Variants in PDE4DIP observed in about 807,000 individuals in gnomAD.
PDE4DIP encodes phosphodiesterase 4D interacting protein, also known as myomegalin.
Under a neutral mutation model 221.4 loss-of-function variants are expected in PDE4DIP, and 59 were observed. That is an observed-to-expected ratio of 0.27 (90% CI 0.22 to 0.33). PDE4DIP has a LOEUF of 0.33. PDE4DIP is among the 10% of genes least tolerant of loss of function. The pLI is 1.00. For synonymous variants in PDE4DIP, 404 were observed against 815.9 expected, an observed-to-expected ratio of 0.50 and a Z score of 8.60; for missense variants, 1,036 against 2,154.2, an observed-to-expected ratio of 0.48 and a Z score of 10.28.
At chr1:148,994,968 C>G (rs1432048634) in intron 22 of PDE4DIP, among the ~76,000 whole-genome samples, 2 of 152,110 alleles carry the variant, frequency 1.3e-5, no homozygotes, top group East Asian at 3.9e-4. Context: ...ATGACAGGAG[C>G]TCTCCCCCAA....
rs1382984463 is a variant in PDE4DIP at position 148,946,371 on chromosome 1, T to A, written c.636+8507T>A. Reference sequence around the variant, plus strand: ...GAAACCTCATCTCTATTGAAAAAAATAAATAAATAAATAACAAAATTAGCT... The same window carrying A: ...GAAACCTCATCTCTATTGAAAAAAAAAAATAAATAAATAACAAAATTAGCT... On this transcript the variant is annotated intron_variant, in intron 5 of 43. Transcript: ENST00000369354. 4.4e-4 allele frequency among the ~76,000 whole-genome samples: 58 copies of A among 131,430 alleles called. No homozygotes were observed. In the East Asian group the frequency reaches 6.5e-3, roughly 15 times the overall value. The allele number at this position is 131,430 out of a possible 152,430, so 86.2% of individuals were successfully genotyped here.
intron 17 of PDE4DIP, among the ~76,000 whole-genome samples, chr1:148,976,372 C>T (rs2060174956): frequency 6.6e-6 from 1 of 152,244 alleles, no homozygotes; most frequent in Admixed American, 6.5e-5. Flanking sequence ...GGATTTACCA[C>T]TTACTAGCCA....
In PDE4DIP at chr1:148,927,224, T is replaced by A. The variant is rs1573565650; in HGVS notation, c.142-1973T>A. 2.6e-5 allele frequency among the ~76,000 whole-genome samples: 4 copies of A among 152,020 alleles called. No individual in the cohort carries two copies. In the South Asian group the frequency reaches 6.2e-4, roughly 24 times the overall value. ...AAAGTATATCCTGAAAAGACAGGGC[T>A]ATCATTCCTTCTTTTGAAGAAATTA... On this transcript the variant is annotated intron_variant, in intron 1 of 43. Coordinates refer to ENST00000369354, the Ensembl canonical transcript of PDE4DIP.
rs10699564 is a variant in PDE4DIP at position 148,819,916 on chromosome 1, C to CTT, written c.233+11207_233+11208dup. ...ACTTAATATTGAAATCTGTTTATAT[C>CTT]TTTTTTTTTTTTTTTTTTTTTTTTT... On this transcript the variant is annotated intron_variant, in intron 1 of 45. Transcript: ENST00000524974. Among the ~76,000 whole-genome samples, 87 of 34,810 alleles carry CTT rather than the reference C, an allele frequency of 2.5e-3. 19 individuals carry two copies. Among genetic ancestry groups the CTT allele is most frequent in the East Asian group, 0.021 (7 of 328 alleles). The allele number at this position is 34,810 out of a possible 152,430, so 22.8% of individuals were successfully genotyped here.
rs180946628 is a variant in PDE4DIP at position 149,032,946 on chromosome 1, C to G, written c.*961C>G. On this transcript the variant is annotated 3_prime_UTR_variant, in exon 44 of 44. Transcript: ENST00000369354. The stretch of plus-strand genomic sequence containing the variant: ...CATAACTGGTGGACAGGGTGGGTGA[C>G]AGAAAATGAAAGTCTTTTTGGTGAT... 955 of 197,876 alleles carry G rather than the reference C, an allele frequency of 4.8e-3. 9 individuals carry two copies. The highest frequency in any genetic ancestry group is 0.031 in the East Asian group (399 of 12,750). The allele number at this position is 197,876 out of a possible 1,614,324, so 12.3% of individuals were successfully genotyped here.
Position 148,869,946 on chromosome 1 carries a change from G to T in PDE4DIP, c.441+1324G>T, listed in dbSNP as rs1572294920. On this transcript the variant is annotated intron_variant, in intron 3 of 45. Coordinates refer to the PDE4DIP transcript ENST00000524974. Reference sequence around the variant, plus strand: ...GATAACTTTTGACAGAAAAAAAAAAGTAAAATTCTAATCTCAAAAAATTTT... The same window carrying T: ...GATAACTTTTGACAGAAAAAAAAAATTAAAATTCTAATCTCAAAAAATTTT... Among the ~76,000 whole-genome samples the T allele has an allele frequency of 2.5e-5, 2 of 80,284 alleles. 1 individual carries two copies. The highest frequency in any genetic ancestry group is 1.1e-4 in the African/African-American group (2 of 18,486). 52.7% of individuals were successfully genotyped at this position (80,284 alleles called of 152,430 possible).
chr1:149,023,538 C>CAT lies in PDE4DIP; in HGVS notation c.6086-898_6086-897dup, dbSNP rs1301443699. ...TGGTGAATGGAGGTAAATATATATA[C>CAT]ATATATATATTTATATATATGTGCA... is the stretch of plus-strand genomic sequence containing the variant. On this transcript the variant is annotated intron_variant, in intron 37 of 43. Transcript: ENST00000369354. 6.2e-5 allele frequency among the ~76,000 whole-genome samples: 9 copies of CAT among 145,256 alleles called. No homozygotes were observed. In the South Asian group the frequency reaches 6.6e-4, roughly 11 times the overall value.
intron 32 of PDE4DIP, among the ~76,000 whole-genome samples, chr1:149,013,791 T>C (rs1466122611): frequency 1.0e-5 from 1 of 96,794 alleles, no homozygotes; most frequent in Non-Finnish European, 2.1e-5. Flanking sequence ...CTTTTTTTTT[T>C]TTTTTTTTTT....
At chr1:149,004,598 G>A (rs1379039402) in intron 26 of PDE4DIP, among the ~76,000 whole-genome samples, 1 of 24,288 alleles carries the variant, frequency 4.1e-5, no homozygotes, top group African/African-American at 1.8e-4. Flanking sequence ...CAGGACATTG[G>A]AGGATTTGAA....
At chr1:148,888,998 A>G (rs1405087706), upstream of PDE4DIP, among the ~76,000 whole-genome samples, 1 of 139,740 alleles carries the variant, frequency 7.2e-6, no homozygotes, top group Non-Finnish European at 1.6e-5. Flanking sequence ...ATGGCAATAA[A>G]GGCTATTAGT....
At chr1:148,980,792 A>C (rs1487162636) in intron 20 of PDE4DIP, among the ~76,000 whole-genome samples, 3 of 152,190 alleles carry the variant, frequency 2.0e-5, no homozygotes, top group African/African-American at 7.2e-5. Flanking sequence ...CTGGAGCTTT[A>C]GTTTTTATGA....
intron 21 of PDE4DIP, among the ~76,000 whole-genome samples, chr1:148,989,965 T>C (rs1455834187): frequency 6.6e-6 from 1 of 152,120 alleles, no homozygotes; most frequent in African/African-American, 2.4e-5. Flanking sequence ...TGAGTAAGTA[T>C]TGGAAATAAC....
At chr1:148,977,378 C>T (rs1251792933) in intron 17 of PDE4DIP, among the ~76,000 whole-genome samples, 2 of 74,892 alleles carry the variant, frequency 2.7e-5, no homozygotes, top group Non-Finnish European at 5.3e-5. Flanking sequence ...TTTGTCATAA[C>T]CAAGTACTTG....
intron 30 of PDE4DIP, 86 bp from the exon 34 acceptor site, chr1:149,010,357 C>T (rs2068229010): frequency 8.6e-7 from 1 of 1,161,758 alleles, no homozygotes; most frequent in Admixed American, 1.8e-5. Context: ...AAGACTCTAG[C>T]CCTGGTACCC....
At chr1:148,967,010 C>G in intron 12 of PDE4DIP, 34 bp downstream of exon 15, 1 of 945,506 alleles carries the variant, frequency 1.1e-6, no homozygotes, top group Non-Finnish European at 1.7e-6. Context: ...CTTGGTGTTC[C>G]TCTCCCACTT....
chr1:148,879,905 T>G (rs2149003673), intron 3 of PDE4DIP, among the ~76,000 whole-genome samples: 1 of 142,814 alleles, frequency 7.0e-6, no homozygotes, highest in East Asian at 2.0e-4. Context: ...CCAGCATCAC[T>G]GCAGCTCAAC....
chr1:148,948,516 T>G (rs1553485188), intron 5 of PDE4DIP, among the ~76,000 whole-genome samples: 2 of 150,206 alleles, frequency 1.3e-5, no homozygotes, highest in South Asian at 2.1e-4. Flanking sequence ...GTTTTTAATT[T>G]GCAATTGGGT....
intron 21 of PDE4DIP, among the ~76,000 whole-genome samples, chr1:148,987,869 C>T (rs1559165740): frequency 6.6e-6 from 1 of 152,002 alleles, no homozygotes; most frequent in Non-Finnish European, 1.5e-5. Context: ...CAGTTCAAGA[C>T]CAACCTGGGC....
chr1:149,009,619 C>A lies in PDE4DIP; in HGVS notation c.4755C>A (p.Ala1585=), dbSNP rs1553602889. 9.9e-6 allele frequency: 16 copies of A among 1,613,898 alleles called. No homozygotes were observed. In the East Asian group the frequency reaches 3.1e-4, roughly 31 times the overall value. The change falls in exon 30 of 44, where the codon GCC becomes GCA. Residue 1585 remains alanine, a synonymous_variant. Transcript: ENST00000369354. ...AGAAAGTGATTGAAGTCCTGCAGGC[C>A]AAGCTGGATGCTCGGTCCCTCACAC...
Sources: allele counts gnomAD v4.1 joint callset (sites outside exome capture counted in the v4.1 genomes callset), GRCh38; gene constraint gnomAD v4.1.1; transcripts MANE v1.5; gene names NCBI Gene and HGNC (gene_info 2026-07-23, HGNC 2026-07-21).